SIRT5: variants seen among roughly 807,000 people sequenced by gnomAD.
SIRT5 encodes the protein sirtuin 5, also known as NAD-dependent protein deacylase sirtuin-5, mitochondrial.
Under a neutral mutation model 40.0 loss-of-function variants are expected in SIRT5, and 26 were observed. The ratio of observed to expected loss-of-function variants is 0.65; its 90% CI spans 0.48 to 0.90. SIRT5 has a LOEUF of 0.90. Ranked by LOEUF, SIRT5 falls within the 40% of genes least tolerant of loss-of-function variation. SIRT5 has a pLI of 0.00. For missense variants in SIRT5, 401 were observed against 402.4 expected, an observed-to-expected ratio of 1.00 and a Z score of 0.03; for synonymous variants, 146 against 149.1, an observed-to-expected ratio of 0.98 and a Z score of 0.15.
intron 4 of SIRT5, chr6:13,589,161 G>C (rs1760470712): frequency 6.5e-6 from 1 of 152,714 alleles, no homozygotes; most frequent in East Asian, 1.9e-4. Flanking sequence ...GTTTGAGATG[G>C]AGGTTTGCTC....
intron 7 of SIRT5, among the ~76,000 whole-genome samples, chr6:13,597,829 A>G (rs1473360858): frequency 6.6e-6 from 1 of 152,216 alleles, no homozygotes; most frequent in Non-Finnish European, 1.5e-5. Context: ...TACAGGCGTG[A>G]ACCACTGCAC....
In SIRT5 at chr6:13,603,000, G is replaced by A. The variant is rs11963499; in HGVS notation, c.857+2051G>A. Among the ~76,000 whole-genome samples, 1,291 of 152,172 alleles carry A rather than the reference G, an allele frequency of 8.5e-3. 10 individuals are homozygous for A. Among genetic ancestry groups the A allele is most frequent in the African/African-American group, 0.029 (1,208 of 41,518 alleles). On this transcript the variant is annotated intron_variant, in intron 9 of 9. Transcript: ENST00000606117. ...TAAGTAAAAAGACAACCCACAGGCC[G>A]GGTGCGGTGGCTCACGCCTGTAATC...
chr6:13,610,877 AT>A (rs1763745898), intron 9 of SIRT5, among the ~76,000 whole-genome samples: 5 of 152,230 alleles, frequency 3.3e-5, no homozygotes, highest in Admixed American at 2.6e-4. Context: ...TCAAGAATAA[AT>A]AATATAAATG....
chr6:13,595,075 C>G (rs989460773), intron 5 of SIRT5, among the ~76,000 whole-genome samples: 4 of 152,236 alleles, frequency 2.6e-5, no homozygotes, highest in Non-Finnish European at 5.9e-5. Flanking sequence ...CCAAGGTCAT[C>G]TGATGGCACA....
intron 9 of SIRT5, chr6:13,605,146 T>A: frequency 3.0e-6 from 3 of 985,486 alleles, no homozygotes; most frequent in Non-Finnish European, 3.6e-6. Flanking sequence ...GCTTAACAGA[T>A]TTTGGTTGAA....
At chr6:13,588,123 G>A (rs186256895) in intron 3 of SIRT5, among the ~76,000 whole-genome samples, 3 of 152,342 alleles carry the variant, frequency 2.0e-5, no homozygotes, top group East Asian at 1.9e-4. Flanking sequence ...AGAGCCGGCT[G>A]TGTGTGCCCA....
At chr6:13,595,329 G>C (rs1054046155) in intron 5 of SIRT5, 148 bp from the exon 6 acceptor site, 5 of 622,226 alleles carry the variant, frequency 8.0e-6, no homozygotes, top group Non-Finnish European at 1.4e-5. Context: ...AGCTATGATC[G>C]TACTGCTACA....
At chr6:13,582,991 A>G (rs934260317) in intron 2 of SIRT5, among the ~76,000 whole-genome samples, 6 of 152,156 alleles carry the variant, frequency 3.9e-5, no homozygotes, top group African/African-American at 7.2e-5. Context: ...GGATGGCTTG[A>G]GCTCAGGAGA....
At chr6:13,574,275 T>C (rs896524427), upstream of SIRT5, among the ~76,000 whole-genome samples, 7 of 151,710 alleles carry the variant, frequency 4.6e-5, no homozygotes, top group African/African-American at 1.7e-4. Context: ...CCCCACGGCC[T>C]CCTCTCCAGC....
Position 13,597,001 on chromosome 6 carries a change from T to C in SIRT5, c.602T>C (p.Val201Ala), listed in dbSNP as rs761810955. Reference protein sequence around the residue: ...EPGTQDASIPVEKLPRCEEAG... With the variant: ...EPGTQDASIPAEKLPRCEEAG... ...GGAACTCAAGATGCCAGCATCCCAGTTGAGAAACTTCCCCGGTAGGTAGAA... is the reference window on the plus strand; with the variant it reads ...GGAACTCAAGATGCCAGCATCCCAGCTGAGAAACTTCCCCGGTAGGTAGAA... Residue 201 changes from valine to alanine, a missense_variant, in exon 7 of 10, where the codon GTT becomes GCT. Transcript: ENST00000606117. 3.7e-6 allele frequency: 6 copies of C among 1,612,358 alleles called. No individual in the cohort carries two copies. The highest frequency in any genetic ancestry group is 4.2e-6 in the Non-Finnish European group (5 of 1,179,616).
Position 13,611,919 on chromosome 6 carries a change from G to A in SIRT5, c.*54G>A. On this transcript the variant is annotated 3_prime_UTR_variant, in exon 10 of 10. Coordinates refer to ENST00000606117, the MANE Select transcript of SIRT5 (RefSeq NM_012241.5). The stretch of plus-strand genomic sequence containing the variant: ...ATATCTAAGAACTAGGCCACACGCA[G>A]AGGAGAAATGGTCTTATGGGTGGTG... The A allele has an allele frequency of 1.3e-6, 2 of 1,547,704 alleles. No homozygotes were observed. The highest frequency in any genetic ancestry group is 1.8e-6 in the Non-Finnish European group (2 of 1,121,250).
At chr6:13,600,049 T>G (rs969141099) in intron 8 of SIRT5, among the ~76,000 whole-genome samples, 2 of 152,228 alleles carry the variant, frequency 1.3e-5, no homozygotes, top group African/African-American at 4.8e-5. Context: ...TTGGGCTATT[T>G]CAAATTTTGA....
At chr6:13,605,283 CT>C in intron 9 of SIRT5, 1 of 834,308 alleles carries the variant, frequency 1.2e-6, no homozygotes, top group African/African-American at 1.8e-5. Context: ...TGTGTGGCTG[CT>C]TTTGCATTAG....
At chr6:13,610,783 G>A (rs577220234) in intron 9 of SIRT5, among the ~76,000 whole-genome samples, 7 of 152,294 alleles carry the variant, frequency 4.6e-5, no homozygotes, top group Admixed American at 2.0e-4. Flanking sequence ...TGGAGATGCC[G>A]TGTAGTCTGG....
chr6:13,588,209 T>C, intron 3 of SIRT5, 122 bp from the exon 4 acceptor site: 4 of 1,240,576 alleles, frequency 3.2e-6, no homozygotes, highest in Non-Finnish European at 4.5e-6. Context: ...GGTACAGGAA[T>C]GATGTTTGTT....
Position 13,588,439 on chromosome 6 carries a change from G to T in SIRT5, c.224G>T (p.Gly75Val). The change falls in exon 4 of 10, where the codon GGT becomes GTT. Residue 75 changes from glycine to valine, a missense_variant. Coordinates refer to ENST00000606117, the MANE Select transcript of SIRT5 (RefSeq NM_012241.5). Reference protein sequence around the residue: ...SGVPTFRGAGGYWRKWQAQDL... With the variant: ...SGVPTFRGAGVYWRKWQAQDL... ...GTTCCGACCTTCAGAGGAGCTGGAG[G>T]TTATTGGAGAAAATGGCAAGCCCAG... 2.5e-6 allele frequency: 4 copies of T among 1,614,176 alleles called. No individual in the cohort carries two copies. Among genetic ancestry groups the T allele is most frequent in the Non-Finnish European group, 2.5e-6 (3 of 1,180,028 alleles).
At chr6:13,589,861 T>G (rs183823363) in intron 4 of SIRT5, among the ~76,000 whole-genome samples, 1 of 152,262 alleles carries the variant, frequency 6.6e-6, no homozygotes, top group Admixed American at 6.5e-5. Flanking sequence ...GCTCAGAGTT[T>G]GCAGACAAAG....
intron 1 of SIRT5, among the ~76,000 whole-genome samples, chr6:13,575,160 C>A (rs1163551122): frequency 6.6e-6 from 1 of 152,028 alleles, no homozygotes; most frequent in Admixed American, 6.5e-5. Context: ...CAGGCTTGCC[C>A]GCGTGGAGTG....
At chr6:13,600,791 TGTC>T (rs1562276894) in intron 8 of SIRT5, 40 bp from the exon 9 acceptor site, 2 of 1,450,308 alleles carry the variant, frequency 1.4e-6, no homozygotes, top group Non-Finnish European at 1.9e-6. Context: ...TCCTTCTCCT[TGTC>T]GTCTGGCTGT....
Sources: gnomAD v4.1 joint callset for allele counts (sites outside exome capture counted in the v4.1 genomes callset) on GRCh38, gnomAD v4.1.1 for gene constraint, MANE v1.5 for transcripts, NCBI Gene and HGNC (gene_info 2026-07-23, HGNC 2026-07-21) for gene names.